The following ZFHX3 variants were observed in gnomAD, a reference collection of about 807,000 sequenced individuals.
The protein encoded by ZFHX3 is zinc finger homeobox protein 3.
Under a neutral mutation model 279.1 loss-of-function variants are expected in ZFHX3, and 42 were observed. That is an observed-to-expected ratio of 0.15 (90% CI 0.12 to 0.19). The LOEUF is 0.19. ZFHX3 is among the 10% of genes least tolerant of loss of function. The probability of loss-of-function intolerance (pLI) is 1.00; values close to 1 mark genes in which losing one functional copy is unlikely to be tolerated. For missense variants in ZFHX3, 4,981 were observed against 4,754.0 expected, an observed-to-expected ratio of 1.05 and a Z score of -1.40; for synonymous variants, 2,293 against 1,957.8, an observed-to-expected ratio of 1.17 and a Z score of -4.52.
chr16:73,472,521 T>C (rs1245852960), intron 2 of ZFHX3, among the ~76,000 whole-genome samples: 1 of 152,202 alleles, frequency 6.6e-6, no homozygotes, highest in African/African-American at 2.4e-5. Flanking sequence ...AAATAGCCTC[T>C]TGAGTTTTGG....
intron 1 of ZFHX3, among the ~76,000 whole-genome samples, chr16:73,783,306 G>C (rs1300782328): frequency 6.6e-6 from 1 of 152,170 alleles, no homozygotes. Flanking sequence ...TGAGGCCTCT[G>C]CTGCAACTAC....
chr16:73,287,168 C>A, intron 4 of ZFHX3, among the ~76,000 whole-genome samples: 1 of 124,884 alleles, frequency 8.0e-6, no homozygotes, highest in African/African-American at 3.2e-5. Flanking sequence ...GTGTGGGTTG[C>A]TGTGTGGGCC....
chr16:73,725,540 AGTGTGT>A (rs35247672), intron 1 of ZFHX3, among the ~76,000 whole-genome samples: 2 of 148,358 alleles, frequency 1.3e-5, no homozygotes, highest in East Asian at 2.0e-4. Context: ...AGTGTGAGTG[AGTGTGT>A]GTGTGTGTGT....
intron 3 of ZFHX3, among the ~76,000 whole-genome samples, chr16:73,383,969 G>C (rs1304282373): frequency 1.3e-5 from 2 of 152,172 alleles, no homozygotes; most frequent in Non-Finnish European, 2.9e-5. Flanking sequence ...CATTTTAAAG[G>C]CCTCCCAAAT....
chr16:73,750,833 A>C (rs889622387), intron 1 of ZFHX3, among the ~76,000 whole-genome samples: 8 of 152,212 alleles, frequency 5.3e-5, no homozygotes, highest in African/African-American at 1.9e-4. Context: ...GAATTTAGAA[A>C]AGAAAAGAAA....
At chr16:73,190,995 G>A (rs991342019) in intron 5 of ZFHX3, among the ~76,000 whole-genome samples, 2 of 151,652 alleles carry the variant, frequency 1.3e-5, no homozygotes, top group Non-Finnish European at 2.9e-5. Context: ...ACCCTTTTTA[G>A]TTTGCTACCC....
intron 5 of ZFHX3, among the ~76,000 whole-genome samples, chr16:73,196,151 T>TC (rs1491533358): frequency 1.0e-4 from 5 of 48,426 alleles, no homozygotes; most frequent in African/African-American, 4.9e-4. Context: ...CTTGAAATAG[T>TC]TTTTTTTTTT....
At chr16:73,153,179 G>C (rs1966989213) in intron 5 of ZFHX3, among the ~76,000 whole-genome samples, 1 of 152,184 alleles carries the variant, frequency 6.6e-6, no homozygotes, top group Non-Finnish European at 1.5e-5. Flanking sequence ...TGGAAGCCTG[G>C]ATGTTCATTC....
At chr16:73,043,990 G>A (rs1309759980) in intron 1 of ZFHX3, among the ~76,000 whole-genome samples, 6 of 152,208 alleles carry the variant, frequency 3.9e-5, no homozygotes, top group East Asian at 1.9e-4. Flanking sequence ...TGACACAACC[G>A]TAGCTTCTGT....
At chr16:73,851,758 G>A (rs781419370) in intron 1 of ZFHX3, among the ~76,000 whole-genome samples, 2 of 152,142 alleles carry the variant, frequency 1.3e-5, no homozygotes, top group African/African-American at 4.8e-5. Context: ...TTGTGTTTAA[G>A]TTTGACATCG....
At chr16:73,795,648 C>A (rs1959968222) in intron 1 of ZFHX3, among the ~76,000 whole-genome samples, 1 of 152,208 alleles carries the variant, frequency 6.6e-6, no homozygotes, top group Non-Finnish European at 1.5e-5. Context: ...TCATGAAGAA[C>A]AACGACTGTG....
chr16:73,823,369 T>C (rs1240058302), intron 1 of ZFHX3, among the ~76,000 whole-genome samples: 1 of 152,086 alleles, frequency 6.6e-6, no homozygotes, highest in Middle Eastern at 3.2e-3. Flanking sequence ...ATGCAATCCC[T>C]GGGCCCATCC....
At chr16:73,757,569 GC>G (rs1231405773) in intron 1 of ZFHX3, among the ~76,000 whole-genome samples, 1 of 152,124 alleles carries the variant, frequency 6.6e-6, no homozygotes, top group South Asian at 2.1e-4. Flanking sequence ...CCAAGGCTAA[GC>G]AATGTGTTAG....
chr16:73,134,059 T>A (rs1966744051), intron 6 of ZFHX3, among the ~76,000 whole-genome samples: 1 of 152,168 alleles, frequency 6.6e-6, no homozygotes, highest in African/African-American at 2.4e-5. Flanking sequence ...TATTCATTCG[T>A]TGAATCCCCC....
intron 8 of ZFHX3, among the ~76,000 whole-genome samples, chr16:72,798,958 T>G (rs2036010751): frequency 1.3e-5 from 2 of 152,210 alleles, no homozygotes; most frequent in Admixed American, 1.3e-4. Flanking sequence ...ACAAAAAGTT[T>G]CAATGCATAA....
In ZFHX3 at chr16:73,734,241, G is replaced by A. The variant is rs576515897; in HGVS notation, c.-1607-54001C>T. 2.6e-5 allele frequency among the ~76,000 whole-genome samples: 4 copies of A among 152,274 alleles called. No individual in the cohort carries two copies. In the South Asian group the frequency reaches 8.3e-4, roughly 32 times the overall value. On this transcript the variant is annotated intron_variant, in intron 1 of 17. Coordinates refer to the ZFHX3 transcript ENST00000641206. ...CCTAATAGGCCATGGACTATCACCA[G>A]TCCATGGCCCAGGGTTAGGGGATGG... is the stretch of plus-strand genomic sequence containing the variant.
At chr16:73,677,648 A>G (rs1487442177) in intron 2 of ZFHX3, among the ~76,000 whole-genome samples, 3 of 151,996 alleles carry the variant, frequency 2.0e-5, no homozygotes, top group Non-Finnish European at 4.4e-5. Flanking sequence ...TGCATCTATA[A>G]AAATAAATTT....
intron 3 of ZFHX3, among the ~76,000 whole-genome samples, chr16:73,367,282 G>A (rs1238501157): frequency 6.6e-6 from 1 of 152,172 alleles, no homozygotes; most frequent in Admixed American, 6.5e-5. Context: ...ATCCCATGAG[G>A]CTATTGAACC....
At chr16:73,574,921 T>G (rs1027615428) in intron 2 of ZFHX3, among the ~76,000 whole-genome samples, 3 of 152,168 alleles carry the variant, frequency 2.0e-5, no homozygotes, top group African/African-American at 7.2e-5. Flanking sequence ...CCCCTGGAAG[T>G]CTTCCCCACC....
Sources: gnomAD v4.1 joint callset for allele counts (sites outside exome capture counted in the v4.1 genomes callset) on GRCh38, gnomAD v4.1.1 for gene constraint, MANE v1.5 for transcripts, NCBI Gene and HGNC (gene_info 2026-07-23, HGNC 2026-07-21) for gene names.